Variants in TAF1B observed in about 807,000 individuals in gnomAD.
TAF1B encodes TATA box-binding protein-associated factor RNA polymerase I subunit B.
TAF1B carries 61 observed loss-of-function variants against 83.9 expected under a neutral mutation model. That is an observed-to-expected ratio of 0.73 (90% CI 0.59 to 0.90). TAF1B has a LOEUF of 0.90. Ranked by LOEUF, TAF1B falls within the 40% of genes least tolerant of loss-of-function variation. The probability of loss-of-function intolerance (pLI) is 0.00; values close to 1 mark genes in which losing one functional copy is unlikely to be tolerated. For synonymous variants in TAF1B, 221 were observed against 224.6 expected (o/e 0.98, Z 0.14); for missense variants, 625 against 677.0 (o/e 0.92, Z 0.85).
intron 8 of TAF1B, among the ~76,000 whole-genome samples, chr2:9,886,395 A>G (rs534413287): frequency 3.9e-4 from 59 of 152,318 alleles, no homozygotes; most frequent in Middle Eastern, 3.4e-3. Context: ...GGATATGGGA[A>G]AGGATAATGT....
At chr2:9,909,480 A>AGCTGT (rs1387747699) in intron 9 of TAF1B, among the ~76,000 whole-genome samples, 1 of 152,268 alleles carries the variant, frequency 6.6e-6, no homozygotes, top group Non-Finnish European at 1.5e-5. Context: ...GGGCAAAAGT[A>AGCTGT]GCTGTGCAAA....
At chr2:9,931,601 T>G (rs562758586) in intron 14 of TAF1B, among the ~76,000 whole-genome samples, 3 of 152,324 alleles carry the variant, frequency 2.0e-5, no homozygotes, top group African/African-American at 4.8e-5. Flanking sequence ...CCCTTAACAT[T>G]TTTTCCTTCA....
intron 8 of TAF1B, among the ~76,000 whole-genome samples, chr2:9,883,627 T>C (rs1664577073): frequency 6.6e-6 from 1 of 152,220 alleles, no homozygotes; most frequent in South Asian, 2.1e-4. Flanking sequence ...CAGCATTTCA[T>C]GTTATCTTTG....
At position 9,861,696 on chromosome 2, in the gene TAF1B, C is replaced by G. The variant is rs1033741153; in HGVS notation, c.400-6580C>G. On this transcript the variant is annotated intron_variant, in intron 5 of 14. Transcript: ENST00000263663. Reference sequence around the variant, plus strand: ...AGTAGCCTAACTGGGAGGCACCCCCCAGTAGGGGCAGTCTGACACCTCACA... The same window carrying G: ...AGTAGCCTAACTGGGAGGCACCCCCGAGTAGGGGCAGTCTGACACCTCACA... Among the ~76,000 whole-genome samples, 9 of 152,326 alleles carry G rather than the reference C, an allele frequency of 5.9e-5. No individual in the cohort carries two copies. The East Asian group carries it at 1.4e-3, about 23-fold the overall frequency.
At chr2:9,886,299 T>C (rs1664672599) in intron 8 of TAF1B, among the ~76,000 whole-genome samples, 3 of 152,262 alleles carry the variant, frequency 2.0e-5, no homozygotes, top group Admixed American at 2.0e-4. Flanking sequence ...AGATTTTCTC[T>C]TGATCTGCAG....
Position 9,909,269 on chromosome 2 carries a change from C to T in TAF1B, c.956-1467C>T, listed in dbSNP as rs150175104. ...TTTAAGAGGGAAACAGAAAGATAAA[C>T]CCTTAACTGTGCAATAGAAGGGTAC... On this transcript the variant is annotated intron_variant, in intron 9 of 14. Transcript: ENST00000263663. Among the ~76,000 whole-genome samples, 15 of 152,290 alleles carry T rather than the reference C, an allele frequency of 9.8e-5. No individual in the cohort carries two copies. The East Asian group carries it at 2.7e-3, about 27-fold the overall frequency.
At chr2:9,892,837 A>G (rs1664912368) in intron 8 of TAF1B, among the ~76,000 whole-genome samples, 1 of 152,090 alleles carries the variant, frequency 6.6e-6, no homozygotes, top group Admixed American at 6.5e-5. Context: ...AGTAACCTCC[A>G]TTTCATTTCC....
intron 6 of TAF1B, among the ~76,000 whole-genome samples, chr2:9,874,160 G>T (rs1664253374): frequency 6.6e-6 from 1 of 152,104 alleles, no homozygotes; most frequent in Non-Finnish European, 1.5e-5. Flanking sequence ...CACAATCTTG[G>T]TAGATTTACG....
At chr2:9,932,801 G>A (rs1391143823) in intron 14 of TAF1B, among the ~76,000 whole-genome samples, 2 of 151,666 alleles carry the variant, frequency 1.3e-5, no homozygotes, top group East Asian at 3.9e-4. Flanking sequence ...GAGGCAGCAG[G>A]CCTTGCTGAG....
chr2:9,892,367 G>A (rs1373944281), intron 8 of TAF1B, among the ~76,000 whole-genome samples: 2 of 152,086 alleles, frequency 1.3e-5, no homozygotes, highest in East Asian at 1.9e-4. Context: ...ATTCAGCTAC[G>A]CATGACTATA....
intron 5 of TAF1B, 97 bp from the exon 6 acceptor site, chr2:9,868,178 TC>T: frequency 7.7e-7 from 1 of 1,294,668 alleles, no homozygotes; most frequent in Non-Finnish European, 1.1e-6. Flanking sequence ...TAGAGTGGTT[TC>T]TTTTAGGGTG....
chr2:9,881,874 C>G (rs1329983813), intron 7 of TAF1B, among the ~76,000 whole-genome samples: 1 of 152,238 alleles, frequency 6.6e-6, no homozygotes, highest in Non-Finnish European at 1.5e-5. Context: ...CAAGGTCCCA[C>G]TCCTTAATGG....
chr2:9,863,158 G>A (rs962986746), intron 5 of TAF1B, among the ~76,000 whole-genome samples: 8 of 152,172 alleles, frequency 5.3e-5, no homozygotes, highest in Non-Finnish European at 7.3e-5. Context: ...TGGCAAATTG[G>A]ATAAAGAGTC....
At position 9,861,633 on chromosome 2, in the gene TAF1B, C is replaced by T. The variant is rs568184501; in HGVS notation, c.400-6643C>T. 2.1e-4 allele frequency among the ~76,000 whole-genome samples: 32 copies of T among 152,346 alleles called. No individual in the cohort carries two copies. In the East Asian group the frequency reaches 5.0e-3, roughly 24 times the overall value. On this transcript the variant is annotated intron_variant, in intron 5 of 14. Transcript: ENST00000263663. ...CACCATGCAGCTTGAGATCTGAGAA[C>T]GGGCAGACTGCCTCCTCAAGTGGGT...
chr2:9,893,986 G>T (rs1664945983), intron 8 of TAF1B, among the ~76,000 whole-genome samples: 1 of 152,162 alleles, frequency 6.6e-6, no homozygotes, highest in Non-Finnish European at 1.5e-5. Flanking sequence ...TTTAAAGGCA[G>T]CTAAAGGATG....
intron 8 of TAF1B, among the ~76,000 whole-genome samples, chr2:9,893,985 A>G (rs1664945916): frequency 6.6e-6 from 1 of 152,240 alleles, no homozygotes; most frequent in Non-Finnish European, 1.5e-5. Context: ...TTTTAAAGGC[A>G]GCTAAAGGAT....
intron 6 of TAF1B, among the ~76,000 whole-genome samples, chr2:9,875,166 G>C (rs1282227951): frequency 1.3e-5 from 2 of 151,958 alleles, no homozygotes; most frequent in African/African-American, 4.8e-5. Context: ...ATTTCACCAT[G>C]TTGACCAGGC....
chr2:9,869,073 T>A (rs1003839533), intron 6 of TAF1B, among the ~76,000 whole-genome samples: 5 of 152,202 alleles, frequency 3.3e-5, no homozygotes, highest in African/African-American at 1.2e-4. Flanking sequence ...CTTCTCCACC[T>A]TTTCAGACAA....
At chr2:9,883,904 C>T (rs894777729) in intron 8 of TAF1B, among the ~76,000 whole-genome samples, 2 of 152,194 alleles carry the variant, frequency 1.3e-5, no homozygotes, top group African/African-American at 2.4e-5. Context: ...TTTGGGGTGC[C>T]GTTTTTCTGG....
Sources: gnomAD v4.1 joint callset for allele counts (sites outside exome capture counted in the v4.1 genomes callset) on GRCh38, gnomAD v4.1.1 for gene constraint, MANE v1.5 for transcripts, NCBI Gene and HGNC (gene_info 2026-07-23, HGNC 2026-07-21) for gene names.